The following FBXW8 variants were observed in gnomAD, a reference collection of about 807,000 sequenced individuals.
FBXW8 encodes the protein F-box/WD repeat-containing protein 8.
Under a neutral mutation model 65.3 loss-of-function variants are expected in FBXW8, and 57 were observed. The ratio of observed to expected loss-of-function variants is 0.87; its 90% CI spans 0.71 to 1.09. The LOEUF is 1.09. FBXW8 is among the 50% of genes least tolerant of loss of function. The pLI, the probability that FBXW8 is intolerant of heterozygous loss-of-function variation, is 0.00. For missense variants in FBXW8, 777 were observed against 814.8 expected (o/e 0.95, Z 0.57); for synonymous variants, 308 against 330.2 (o/e 0.93, Z 0.73).
At chr12:116,976,621 A>ATTTTTTTTT (rs58135251) in intron 5 of FBXW8, among the ~76,000 whole-genome samples, 2 of 137,958 alleles carry the variant, frequency 1.4e-5, no homozygotes, top group Non-Finnish European at 3.1e-5. Flanking sequence ...ACACCGGCTA[A>ATTTTTTTTT]TTTTTTTTTT....
At chr12:116,959,450 C>T (rs1883850858) in intron 4 of FBXW8, among the ~76,000 whole-genome samples, 1 of 152,094 alleles carries the variant, frequency 6.6e-6, no homozygotes, top group South Asian at 2.1e-4. Flanking sequence ...TTTCTTGTGA[C>T]CCTGGGTAAG....
rs1882173502 is a variant in FBXW8 at position 116,936,521 on chromosome 12, A to T, written c.423+8394A>T. Among the ~76,000 whole-genome samples the T allele has an allele frequency of 6.6e-6, 1 of 152,190 alleles. No homozygotes were observed. Among genetic ancestry groups the T allele is most frequent in the African/African-American group, 2.4e-5 (1 of 41,450 alleles). On this transcript the variant is annotated intron_variant, in intron 2 of 10. Transcript: ENST00000652555. This position sits in a 1 kb window ranked among gnomAD's most constrained non-coding sequence, Gnocchi z 4.6. The stretch of plus-strand genomic sequence containing the variant: ...TCTTGTAAGAGGGAGGCAGGACGTC[A>T]GGGAGGAGAGAAGATGCTGTGTTGC...
intron 5 of FBXW8, among the ~76,000 whole-genome samples, chr12:116,965,457 A>T (rs1884257369): frequency 1.3e-5 from 2 of 152,232 alleles, no homozygotes; most frequent in Admixed American, 1.3e-4. Flanking sequence ...TTGACAGCGT[A>T]TAACTACTAG....
intron 7 of FBXW8, among the ~76,000 whole-genome samples, chr12:116,989,836 A>G (rs1026067053): frequency 3.2e-4 from 48 of 152,128 alleles, no homozygotes; most frequent in African/African-American, 1.1e-3. Context: ...AACCCTCTTT[A>G]TGCCTCAGTT....
At chr12:116,968,882 A>G (rs954772033) in intron 5 of FBXW8, among the ~76,000 whole-genome samples, 6 of 151,684 alleles carry the variant, frequency 4.0e-5, no homozygotes, top group Non-Finnish European at 7.4e-5. Context: ...GTTATGGCTT[A>G]TTTTTTATAT....
At position 116,931,533 on chromosome 12, in the gene FBXW8, A is replaced by G. The variant is rs546686364; in HGVS notation, c.423+3406A>G. Among the ~76,000 whole-genome samples, 3 of 152,056 alleles carry G rather than the reference A, an allele frequency of 2.0e-5. No homozygotes were observed. In the East Asian group the frequency reaches 5.8e-4, roughly 29 times the overall value. On this transcript the variant is annotated intron_variant, in intron 2 of 10. Coordinates refer to ENST00000652555, the MANE Select transcript of FBXW8 (RefSeq NM_153348.3). ...GAATATCTTTCTATTTATTTGTATC[A>G]TCCGTTTTCTCCTTAGTGTTTTATA...
chr12:116,989,283 A>G (rs1796774818), intron 7 of FBXW8, among the ~76,000 whole-genome samples: 1 of 152,232 alleles, frequency 6.6e-6, no homozygotes, highest in Non-Finnish European at 1.5e-5. Flanking sequence ...GGATTCCAGC[A>G]TATGCTTCTA....
chr12:116,997,276 T>G (rs1365134806), intron 7 of FBXW8, among the ~76,000 whole-genome samples: 1 of 152,106 alleles, frequency 6.6e-6, no homozygotes, highest in East Asian at 1.9e-4. Context: ...AAAGTGTCGT[T>G]TGGAATATTG....
chr12:116,936,056 A>G lies in FBXW8; in HGVS notation c.423+7929A>G, dbSNP rs932164971. 2.6e-5 allele frequency among the ~76,000 whole-genome samples: 4 copies of G among 152,234 alleles called. No homozygotes were observed. On this transcript the variant is annotated intron_variant, in intron 2 of 10. Coordinates refer to ENST00000652555, the MANE Select transcript of FBXW8 (RefSeq NM_153348.3). The surrounding 1 kb of genome is among the most constrained non-coding windows in gnomAD (Gnocchi z 4.6). ...GTATATACAATAAAGACATGATTAAATAGAGTTATCAGATGGCAGTGAGTG... is the reference window on the plus strand; with the variant it reads ...GTATATACAATAAAGACATGATTAAGTAGAGTTATCAGATGGCAGTGAGTG...
intron 1 of FBXW8, among the ~76,000 whole-genome samples, chr12:116,925,311 C>T: frequency 6.6e-6 from 1 of 152,088 alleles, no homozygotes; most frequent in Non-Finnish European, 1.5e-5. Flanking sequence ...AGGGACTCAG[C>T]TGTGAGTCAA....
intron 7 of FBXW8, among the ~76,000 whole-genome samples, chr12:117,008,213 A>T (rs979437414): frequency 6.6e-6 from 1 of 152,242 alleles, no homozygotes; most frequent in Admixed American, 6.5e-5. Flanking sequence ...TAAAGGCCTT[A>T]CCTTCCTGCT....
At chr12:116,988,994 CA>C in intron 7 of FBXW8, 125 bp downstream of exon 7, 1 of 835,326 alleles carries the variant, frequency 1.2e-6, no homozygotes. Flanking sequence ...TAAGCATGGT[CA>C]AAAAATTCAA....
chr12:117,028,335 CA>C lies in FBXW8; in HGVS notation c.*164del. ...ATCTCCCTGACCCCTGCACTTCCCC[CA>C]GCGCCTGGGGCAAGCTGGCGTGTGC... On this transcript the variant is annotated 3_prime_UTR_variant, in exon 11 of 11. Coordinates refer to ENST00000652555, the MANE Select transcript of FBXW8 (RefSeq NM_153348.3). This position sits in a 1 kb window ranked among gnomAD's most constrained non-coding sequence, Gnocchi z 4.1. 1.2e-6 allele frequency: 1 copy of C among 854,254 alleles called. No individual in the cohort carries two copies. The highest frequency in any genetic ancestry group is 1.8e-6 in the Non-Finnish European group (1 of 567,514). The allele number at this position is 854,254 out of a possible 1,614,324, so 52.9% of individuals were successfully genotyped here.
intron 5 of FBXW8, among the ~76,000 whole-genome samples, chr12:116,967,735 G>A (rs1257715204): frequency 6.6e-6 from 1 of 152,132 alleles, no homozygotes; most frequent in Non-Finnish European, 1.5e-5. Flanking sequence ...CTTGCCATAT[G>A]TGTTTCCGAT....
chr12:116,916,911 T>TGTGTGA (rs59006120), intron 1 of FBXW8, among the ~76,000 whole-genome samples: 30 of 145,596 alleles, frequency 2.1e-4, no homozygotes, highest in Non-Finnish European at 2.7e-4. Flanking sequence ...TGTGTGTGTG[T>TGTGTGA]GAGAGAGAGA....
intron 8 of FBXW8, among the ~76,000 whole-genome samples, chr12:117,023,945 G>A (rs1432207196): frequency 1.3e-5 from 2 of 152,214 alleles, no homozygotes; most frequent in African/African-American, 2.4e-5. Context: ...TGCTCCATGT[G>A]CTTTTAAACC....
At chr12:116,951,871 G>A (rs1228885950) in intron 4 of FBXW8, among the ~76,000 whole-genome samples, 1 of 152,184 alleles carries the variant, frequency 6.6e-6, no homozygotes, top group African/African-American at 2.4e-5. Context: ...TACCCATCAT[G>A]TGAACAGGAC....
intron 1 of FBXW8, among the ~76,000 whole-genome samples, chr12:116,918,416 T>C (rs1329152788): frequency 1.3e-5 from 2 of 152,172 alleles, no homozygotes; most frequent in South Asian, 2.1e-4. Flanking sequence ...CTGGAATCTA[T>C]TGATTCCTGT....
At chr12:116,912,832 TTACTC>T (rs1225002911) in intron 1 of FBXW8, among the ~76,000 whole-genome samples, 5 of 152,226 alleles carry the variant, frequency 3.3e-5, no homozygotes. Flanking sequence ...AATATGTAGT[TTACTC>T]AAATAGCATT....
Sources: allele counts gnomAD v4.1 joint callset (sites outside exome capture counted in the v4.1 genomes callset), GRCh38; gene constraint gnomAD v4.1.1; non-coding constraint Gnocchi (gnomAD v3.1); transcripts MANE v1.5; gene names NCBI Gene and HGNC (gene_info 2026-07-23, HGNC 2026-07-21).